The following PES1 variants were observed in gnomAD, a reference collection of about 807,000 sequenced individuals.
The protein encoded by PES1 is pescadillo homolog.
In PES1, 31 loss-of-function variants were observed where a neutral mutation model predicts 77.1. The ratio of observed to expected loss-of-function variants is 0.40; its 90% confidence interval spans 0.30 to 0.54. The LOEUF is 0.54. PES1 is among the 20% of genes least tolerant of loss of function. The pLI is 0.45. For synonymous variants in PES1, 282 were observed against 303.0 expected (o/e 0.93, Z 0.72); for missense variants, 658 against 771.7 (o/e 0.85, Z 1.75).
intron 2 of PES1, among the ~76,000 whole-genome samples, chr22:30,600,571 C>T (rs1385496513): frequency 1.3e-5 from 2 of 152,096 alleles, no homozygotes; most frequent in Non-Finnish European, 2.9e-5. Context: ...AATCCCAGCA[C>T]TTTGGGAGGC....
chr22:30,600,582 C>A (rs1000367825), intron 2 of PES1, among the ~76,000 whole-genome samples: 1 of 151,928 alleles, frequency 6.6e-6, no homozygotes. Context: ...TTTGGGAGGC[C>A]GAGGCCGGTG....
At position 30,588,095 on chromosome 22, in the gene PES1, G is replaced by C. The variant is rs2087119911; in HGVS notation, c.184C>G (p.Arg62Gly). Residue 62 changes from arginine to glycine, a missense_variant, in exon 3 of 15, where the codon CGA (arginine) becomes GGA (glycine). Arg to Gly is a moderately radical substitution (Grantham distance 125, BLOSUM62 -2). Coordinates refer to ENST00000354694, the MANE Select transcript of PES1 (RefSeq NM_014303.4). ...KKVNKGSTAA[R>G]TFYLIKDIRF... Reference sequence around the variant, plus strand: ...ATGTCTTTGATAAGGTAAAACGTTCGGGCTGCTGTAGAACCCTTGTTAACC... The same window carrying C: ...ATGTCTTTGATAAGGTAAAACGTTCCGGCTGCTGTAGAACCCTTGTTAACC... 2 of 1,614,044 alleles carry C rather than the reference G, an allele frequency of 1.2e-6. No homozygotes were observed. The highest frequency in any genetic ancestry group is 1.3e-5 in the African/African-American group (1 of 74,898).
intron 2 of PES1, chr22:30,603,700 A>G (rs2087394269): frequency 6.6e-6 from 1 of 152,208 alleles, no homozygotes; most frequent in South Asian, 2.1e-4. Context: ...TGATTTTAAT[A>G]TATATACACT....
At chr22:30,603,002 C>G (rs1415746587) in intron 2 of PES1, among the ~76,000 whole-genome samples, 2 of 152,006 alleles carry the variant, frequency 1.3e-5, no homozygotes, top group African/African-American at 2.4e-5. Flanking sequence ...CCTCTACCTC[C>G]TGGGTTCAAG....
intron 2 of PES1, among the ~76,000 whole-genome samples, chr22:30,602,488 CT>C (rs1427594369): frequency 6.6e-6 from 1 of 150,390 alleles, no homozygotes; most frequent in Non-Finnish European, 1.5e-5. Flanking sequence ...TCCCAACGTG[CT>C]GCGATTACAG....
chr22:30,581,567 G>A lies in PES1; in HGVS notation c.708C>T (p.Phe236=). 1 of 1,613,890 alleles carries A rather than the reference G, an allele frequency of 6.2e-7. No individual in the cohort carries two copies. Among genetic ancestry groups the A allele is most frequent in the Non-Finnish European group, 8.5e-7 (1 of 1,180,008 alleles). ...GGAGGTTGAGCAACTGGTAAAGGCG[G>A]AAGTTGACAAAGCCCAGCAGCGTGG... is the stretch of plus-strand genomic sequence containing the variant. ...FYTTLLGFVN[F]RLYQLLNLHY... Residue 236 remains phenylalanine (F), a synonymous_variant, in exon 7 of 15, where the codon TTC becomes TTT. Transcript: ENST00000354694.
At chr22:30,578,643 G>T (rs1345807681) in intron 14 of PES1, among the ~76,000 whole-genome samples, 194 bp downstream of exon 14, 1 of 152,212 alleles carries the variant, frequency 6.6e-6, no homozygotes, top group Non-Finnish European at 1.5e-5. Flanking sequence ...CCAGGCCGGA[G>T]ATGGCAGTAC....
chr22:30,579,954 C>T lies in PES1; in HGVS notation c.1170-19G>A, dbSNP rs765338943. 4 of 1,610,386 alleles carry T rather than the reference C, an allele frequency of 2.5e-6. No individual in the cohort carries two copies. In the East Asian group the frequency reaches 8.9e-5, roughly 36 times the overall value. The stretch of plus-strand genomic sequence containing the variant: ...GTAGCACCTGGCGCAGAGTGGCAGG[C>T]AAAAACGAGTCACAGAGGGCAACTC... On this transcript the variant is annotated intron_variant, in intron 11 of 14. Coordinates refer to ENST00000354694, the MANE Select transcript of PES1 (RefSeq NM_014303.4).
Position 30,584,560 on chromosome 22 carries a change from G to A in PES1, c.526C>T (p.Arg176Cys), listed in dbSNP as rs148882386. 1.9e-5 allele frequency: 31 copies of A among 1,610,926 alleles called. No homozygotes were observed. Among genetic ancestry groups the A allele is most frequent in the African/African-American group, 8.0e-5 (6 of 74,852 alleles). The change falls in exon 5 of 15, where the codon CGT becomes TGT. Residue 176 changes from arginine (R) to cysteine (C), a missense_variant. Transcript: ENST00000354694. ...VEFMHYIIAA[R>C]ALRKVFLSIK... ...CCCAGGCTCACCTTGCGCAGGGCAC[G>A]GGCAGCGATAATGTAGTGCATGAAC...
intron 2 of PES1, among the ~76,000 whole-genome samples, chr22:30,599,047 G>C (rs534597890): frequency 6.6e-6 from 1 of 151,618 alleles, no homozygotes; most frequent in Admixed American, 6.6e-5. Context: ...ACAGGCATGT[G>C]CCACCATGAC....
At chr22:30,590,436 C>G (rs898453115) in intron 1 of PES1, among the ~76,000 whole-genome samples, 3 of 152,206 alleles carry the variant, frequency 2.0e-5, no homozygotes, top group Non-Finnish European at 4.4e-5. Context: ...ACATCATAGT[C>G]ATGAAACATA....
At chr22:30,587,910 C>T (rs2087116236) in intron 3 of PES1, 111 bp downstream of exon 3, 2 of 1,089,628 alleles carry the variant, frequency 1.8e-6, no homozygotes, top group South Asian at 1.5e-5. Flanking sequence ...TCACCCTGCC[C>T]TCTGTATAGG....
rs145353108 is a variant in PES1, at chr22:30,581,405, C to T, written c.751G>A (p.Glu251Lys). 1.1e-4 allele frequency: 179 copies of T among 1,613,516 alleles called. No homozygotes were observed. Among genetic ancestry groups the T allele is most frequent in the Non-Finnish European group, 1.4e-4 (165 of 1,180,008 alleles). Residue 251 changes from glutamate to lysine, a missense_variant, in exon 8 of 15, where the codon GAG becomes AAG. Coordinates refer to ENST00000354694, the MANE Select transcript of PES1 (RefSeq NM_014303.4). ...LLNLHYPPKL[E>K]GQAQAEAKAG... ...TTTGCCTCTGCTTGGGCCTGACCCT[C>T]GAGCTAGTAGGCAAAGGGAAGGTCA...
In PES1 at chr22:30,588,534, T is replaced by C. The variant is rs549698630; in HGVS notation, c.105-360A>G. ...GGCTCACATCTGTAATCCCAGCACT[T>C]TGGAAGGCTGAGGCAGGAGGATCAC... On this transcript the variant is annotated intron_variant, in intron 2 of 14. Transcript: ENST00000354694. 2.6e-5 allele frequency among the ~76,000 whole-genome samples: 4 copies of C among 152,140 alleles called. No individual in the cohort carries two copies. In the South Asian group the frequency reaches 8.3e-4, roughly 32 times the overall value.
At chr22:30,602,118 C>T (rs1188797408) in intron 2 of PES1, among the ~76,000 whole-genome samples, 3 of 151,842 alleles carry the variant, frequency 2.0e-5, no homozygotes, top group Non-Finnish European at 4.4e-5. Context: ...CTCTGTGTCC[C>T]CACCCAAATC....
intron 14 of PES1, among the ~76,000 whole-genome samples, chr22:30,578,610 G>A (rs1011228562): frequency 6.6e-6 from 1 of 152,166 alleles, no homozygotes; most frequent in African/African-American, 2.4e-5. Context: ...GATGCGGGGT[G>A]GGACGGAAGC....
intron 4 of PES1, among the ~76,000 whole-genome samples, chr22:30,586,683 G>C (rs1314453871): frequency 6.6e-6 from 1 of 152,190 alleles, no homozygotes; most frequent in Non-Finnish European, 1.5e-5. Context: ...GCTGATTTAG[G>C]CTGAGTGCGG....
Position 30,576,993 on chromosome 22 carries a change from G to A in PES1, c.*53C>T, listed in dbSNP as rs973091764. The A allele has an allele frequency of 3.4e-6, 5 of 1,466,984 alleles. No homozygotes were observed. The highest frequency in any genetic ancestry group is 4.8e-6 in the Non-Finnish European group (5 of 1,046,988). The allele number at this position is 1,466,984 out of a possible 1,614,324, so 90.9% of individuals were successfully genotyped here. A position where few individuals can be genotyped will look rare whatever the true frequency, so the allele number is the denominator to read the frequency against. ...CACTTAGGTCCTCTGGCCTGCCTCT[G>A]CCACATCCAGCTGCTAGGGGCTGGC... On this transcript the variant is annotated 3_prime_UTR_variant, in exon 15 of 15. Transcript: ENST00000354694.
rs1463308093 is a variant in PES1, at chr22:30,578,901, A to G, written c.1619T>C (p.Met540Thr). ...SEAKRLAIMM[M>T]KKREKYLYQK... ...GTACAGGTACTTCTCCCGCTTCTTC[A>G]TCATCATAATGGCCAGGCGCTTGGC... Residue 540 changes from methionine (M) to threonine (T), a missense_variant, in exon 14 of 15, where the codon ATG becomes ACG. Coordinates refer to ENST00000354694, the MANE Select transcript of PES1 (RefSeq NM_014303.4). The G allele has an allele frequency of 6.2e-7, 1 of 1,613,398 alleles. No individual in the cohort carries two copies. The highest frequency in any genetic ancestry group is 8.5e-7 in the Non-Finnish European group (1 of 1,179,998).
Sources: allele counts gnomAD v4.1 joint callset (sites outside exome capture counted in the v4.1 genomes callset), GRCh38; gene constraint gnomAD v4.1.1; transcripts MANE v1.5; gene names NCBI Gene and HGNC (gene_info 2026-07-23, HGNC 2026-07-21).